Variants in ELP4 observed in about 807,000 individuals in gnomAD.
The protein encoded by ELP4 is elongator acetyltransferase complex subunit 4.
Under a neutral mutation model 48.9 loss-of-function variants are expected in ELP4, and 51 were observed. The observed-to-expected ratio is 1.04, with a 90% CI of 0.83 to 1.32. ELP4 has a LOEUF of 1.32. Among genes scored for constraint, ELP4 ranks in the 40% most tolerant of loss-of-function variants. ELP4 has a pLI of 0.00. For synonymous variants in ELP4, 210 were observed against 189.2 expected, an observed-to-expected ratio of 1.11 and a Z score of -0.90; for missense variants, 519 against 514.6, an observed-to-expected ratio of 1.01 and a Z score of -0.08.
chr11:31,748,408 C>G (rs1947645782), intron 9 of ELP4, among the ~76,000 whole-genome samples: 1 of 152,024 alleles, frequency 6.6e-6, no homozygotes, highest in Non-Finnish European at 1.5e-5. Flanking sequence ...CTATGCCCAG[C>G]TAATTTTTGT....
At chr11:31,767,348 T>C (rs1948062172) in intron 9 of ELP4, 1 of 151,002 alleles carries the variant, frequency 6.6e-6, no homozygotes, top group Non-Finnish European at 1.5e-5. Flanking sequence ...ATGAAGTCAT[T>C]GGCTCTTCTC....
intron 3 of ELP4, among the ~76,000 whole-genome samples, chr11:31,568,007 A>G (rs111720172): frequency 0.012 from 1,780 of 152,306 alleles, 21 homozygotes; most frequent in Non-Finnish European, 0.018. Flanking sequence ...GGTCTGTACA[A>G]GTGATGCTGT....
intron 3 of ELP4, among the ~76,000 whole-genome samples, chr11:31,552,159 T>C (rs1956863888): frequency 6.6e-6 from 1 of 152,158 alleles, no homozygotes. Flanking sequence ...ACTACCTTCT[T>C]GGTGTTCTCC....
At chr11:31,711,873 T>C (rs893429663) in intron 9 of ELP4, among the ~76,000 whole-genome samples, 1 of 152,166 alleles carries the variant, frequency 6.6e-6, no homozygotes, top group Non-Finnish European at 1.5e-5. Flanking sequence ...GCCATATTAA[T>C]GATGCAGCTG....
chr11:31,615,209 A>G (rs1041486324), intron 5 of ELP4, among the ~76,000 whole-genome samples: 14 of 152,252 alleles, frequency 9.2e-5, no homozygotes, highest in Admixed American at 3.9e-4. Flanking sequence ...GATGGTTTCA[A>G]AATTTCAAAA....
intron 1 of ELP4, chr11:31,511,124 G>A (rs1447077551): frequency 6.6e-6 from 1 of 152,080 alleles, no homozygotes; most frequent in Non-Finnish European, 1.5e-5. Flanking sequence ...TCATTTTCCG[G>A]TTATTTCTAG....
At chr11:31,549,090 T>A (rs1467812031) in intron 3 of ELP4, among the ~76,000 whole-genome samples, 116 of 151,966 alleles carry the variant, frequency 7.6e-4, no homozygotes, top group African/African-American at 2.8e-3. Context: ...GGACTTCATG[T>A]CTAAAACACC....
chr11:31,556,198 T>A (rs1228386348), intron 3 of ELP4, among the ~76,000 whole-genome samples: 2 of 151,876 alleles, frequency 1.3e-5, no homozygotes, highest in Non-Finnish European at 2.9e-5. Flanking sequence ...AGCATTAAGA[T>A]GTAATGGTGA....
chr11:31,756,323 G>A (rs536040967), intron 9 of ELP4, among the ~76,000 whole-genome samples: 1 of 152,166 alleles, frequency 6.6e-6, no homozygotes, highest in African/African-American at 2.4e-5. Flanking sequence ...CAGAATGGAA[G>A]CCCTACAGAT....
At chr11:31,527,248 C>A (rs1956309422) in intron 2 of ELP4, among the ~76,000 whole-genome samples, 1 of 151,960 alleles carries the variant, frequency 6.6e-6, no homozygotes, top group Non-Finnish European at 1.5e-5. Flanking sequence ...ATCCTATTCC[C>A]TCTTCTAGTG....
chr11:31,752,522 G>C lies in ELP4; in HGVS notation c.1144-30871G>C, dbSNP rs536594761. Reference sequence around the variant, plus strand: ...CTAACCATTTTAATAACTCCCTAATGGGAAAGAAGCAAGTATTATAAAAAC... The same window carrying C: ...CTAACCATTTTAATAACTCCCTAATCGGAAAGAAGCAAGTATTATAAAAAC... On this transcript the variant is annotated intron_variant, in intron 9 of 9. Transcript: ENST00000640961. Among the ~76,000 whole-genome samples, 8 of 152,172 alleles carry C rather than the reference G, an allele frequency of 5.3e-5. No homozygotes were observed. The South Asian group carries it at 1.2e-3, about 24-fold the overall frequency.
At chr11:31,753,181 C>T (rs1177550976) in intron 9 of ELP4, among the ~76,000 whole-genome samples, 1 of 152,142 alleles carries the variant, frequency 6.6e-6, no homozygotes, top group Non-Finnish European at 1.5e-5. Flanking sequence ...CAACTCATGT[C>T]GTCTGCTTAC....
At chr11:31,768,293 T>A (rs1482556028) in intron 9 of ELP4, among the ~76,000 whole-genome samples, 2 of 152,232 alleles carry the variant, frequency 1.3e-5, no homozygotes, top group Non-Finnish European at 2.9e-5. Context: ...TAATATCACC[T>A]AGGTGTTAAT....
chr11:31,544,176 G>T (rs548385093), intron 3 of ELP4, among the ~76,000 whole-genome samples: 5 of 152,238 alleles, frequency 3.3e-5, no homozygotes, highest in Non-Finnish European at 7.3e-5. Context: ...TGCACCATGC[G>T]CAAGCCGAAG....
At chr11:31,649,828 C>G (rs1945283348) in intron 8 of ELP4, 2 of 249,180 alleles carry the variant, frequency 8.0e-6, no homozygotes, top group East Asian at 1.4e-4. Flanking sequence ...AAATCACACA[C>G]AAACCGGCTG....
chr11:31,776,735 A>G (rs1035089786), intron 9 of ELP4, among the ~76,000 whole-genome samples: 3 of 152,226 alleles, frequency 2.0e-5, no homozygotes, highest in African/African-American at 7.2e-5. Flanking sequence ...AATTTTGTCT[A>G]ATTTTCAAAT....
intron 3 of ELP4, among the ~76,000 whole-genome samples, chr11:31,591,370 C>T (rs977572887): frequency 2.1e-4 from 28 of 130,650 alleles, no homozygotes; most frequent in African/African-American, 8.2e-4. Flanking sequence ...GGCACTACTG[C>T]ACTCCAGCCT....
chr11:31,644,807 T>A (rs1029003845), intron 7 of ELP4, among the ~76,000 whole-genome samples: 1 of 151,762 alleles, frequency 6.6e-6, no homozygotes, highest in African/African-American at 2.4e-5. Flanking sequence ...TTTTTTAACT[T>A]TTTAAAACAC....
intron 9 of ELP4, chr11:31,651,546 G>A (rs867716316): frequency 1.3e-5 from 2 of 151,786 alleles, no homozygotes; most frequent in Non-Finnish European, 2.9e-5. Flanking sequence ...ACCCAACACT[G>A]TAATTGTTCA....
Sources: gnomAD v4.1 joint callset for allele counts (sites outside exome capture counted in the v4.1 genomes callset) on GRCh38, gnomAD v4.1.1 for gene constraint, MANE v1.5 for transcripts, NCBI Gene and HGNC (gene_info 2026-07-23, HGNC 2026-07-21) for gene names.